UGT1A7: variants seen among roughly 807,000 people sequenced by gnomAD.
The protein encoded by UGT1A7 is UDP glucuronosyltransferase family 1 member A7, also known as UDP-glucuronosyltransferase 1A7.
Under a neutral mutation model 45.6 loss-of-function variants are expected in UGT1A7, and 33 were observed. The ratio of observed to expected loss-of-function variants is 0.72; its 90% CI spans 0.55 to 0.97. UGT1A7 has a LOEUF of 0.97. Ranked by LOEUF, UGT1A7 falls within the 50% of genes least tolerant of loss-of-function variation. UGT1A7 has a pLI of 0.00. For missense variants in UGT1A7, 684 were observed against 666.2 expected (o/e 1.03, Z -0.29); for synonymous variants, 274 against 250.6 (o/e 1.09, Z -0.88).
intron 1 of UGT1A7, chr2:233,729,233 T>C (rs746735102): frequency 5.5e-5 from 88 of 1,614,154 alleles, no homozygotes; most frequent in South Asian, 6.6e-5. Context: ...GTGGTGCCCA[T>C]TGATGGCAGC....
intron 1 of UGT1A7, chr2:233,747,817 C>T: frequency 6.2e-7 from 1 of 1,613,510 alleles, no homozygotes; most frequent in South Asian, 1.1e-5. Flanking sequence ...ACGACCAATT[C>T]AGACCACATG....
chr2:233,769,515 T>A lies in UGT1A7; in HGVS notation c.1295+1076T>A. The A allele has an allele frequency of 6.2e-7, 1 of 1,612,854 alleles. No homozygotes were observed. Among genetic ancestry groups the A allele is most frequent in the Non-Finnish European group, 8.5e-7 (1 of 1,179,868 alleles). ...TGAGAGTGTCCATTGCTTTCTCCCA[T>A]GGTTACCTCCTTTAGAAAGAAGCAG... On this transcript the variant is annotated intron_variant, in intron 4 of 4. Coordinates refer to ENST00000373426, the MANE Select transcript of UGT1A7 (RefSeq NM_019077.3). This position sits in a 1 kb window ranked among gnomAD's most constrained non-coding sequence, Gnocchi z 4.4.
At chr2:233,742,442 C>T (rs112027081) in intron 1 of UGT1A7, among the ~76,000 whole-genome samples, 3,340 of 152,032 alleles carry the variant, frequency 0.022, 220 homozygotes, top group African/African-American at 0.075. Flanking sequence ...CCTGGGTGGG[C>T]CAGGTGTTCC....
chr2:233,725,092 C>T (rs1421040680), intron 1 of UGT1A7, among the ~76,000 whole-genome samples: 3 of 144,372 alleles, frequency 2.1e-5, no homozygotes, highest in African/African-American at 7.9e-5. Flanking sequence ...CAGGCTGAGG[C>T]AGGAGAATCA....
intron 1 of UGT1A7, among the ~76,000 whole-genome samples, 177 bp downstream of exon 1, chr2:233,682,969 C>G (rs943509920): frequency 1.8e-4 from 27 of 152,054 alleles, no homozygotes; most frequent in Admixed American, 1.2e-3. Flanking sequence ...TAAAGCAGCT[C>G]TTGTTGATAT....
At chr2:233,719,828 G>A in intron 1 of UGT1A7, 1 of 1,554,886 alleles carries the variant, frequency 6.4e-7, no homozygotes, top group Non-Finnish European at 8.7e-7. Flanking sequence ...AACTGTTGAG[G>A]GGCCTAGTGT....
chr2:233,743,634 C>G lies in UGT1A7; in HGVS notation c.856-23400C>G, dbSNP rs776464072. On this transcript the variant is annotated intron_variant, in intron 1 of 4. Coordinates refer to ENST00000373426, the MANE Select transcript of UGT1A7 (RefSeq NM_019077.3). ...AACTCCCTGAAGACGTCGGCTGGGT[C>G]GCGGAAGCTGAAGACGTACTCGAAG... is the stretch of plus-strand genomic sequence containing the variant. 14 of 1,367,180 alleles carry G rather than the reference C, an allele frequency of 1.0e-5. No individual in the cohort carries two copies. In the South Asian group the frequency reaches 1.5e-4, roughly 14 times the overall value. 84.7% of individuals were successfully genotyped at this position (1,367,180 alleles called of 1,614,324 possible).
intron 1 of UGT1A7, among the ~76,000 whole-genome samples, chr2:233,716,440 T>G (rs1338804763): frequency 6.6e-6 from 1 of 152,154 alleles, no homozygotes. Flanking sequence ...AGGTTTTCCT[T>G]CATTTGGCCA....
intron 1 of UGT1A7, among the ~76,000 whole-genome samples, chr2:233,687,583 TAAAAAAAAAAAAA>T (rs71398794): frequency 1.9e-5 from 2 of 107,472 alleles, no homozygotes; most frequent in African/African-American, 6.7e-5. Context: ...ACATTCTTTG[TAAAAAAAAAAAAA>T]AAAAAAAAAA....
intron 1 of UGT1A7, chr2:233,743,961 G>C (rs1220735729): frequency 1.5e-6 from 2 of 1,333,366 alleles, no homozygotes; most frequent in East Asian, 4.6e-5. Context: ...ACAGCGAGCG[G>C]CAAGGCTGCC....
chr2:233,710,556 C>A (rs943295529), intron 1 of UGT1A7, among the ~76,000 whole-genome samples: 25 of 152,110 alleles, frequency 1.6e-4, no homozygotes, highest in African/African-American at 6.0e-4. Context: ...TGCCTGTTTT[C>A]TTTTAAAAGG....
intron 1 of UGT1A7, chr2:233,760,624 T>G (rs1305127348): frequency 6.2e-7 from 1 of 1,614,172 alleles, no homozygotes; most frequent in Non-Finnish European, 8.5e-7. Flanking sequence ...GATCAAAACA[T>G]ACAAGAAAAT....
intron 1 of UGT1A7, 106 bp from the exon 2 acceptor site, chr2:233,766,928 C>T (rs1699282359): frequency 1.3e-6 from 2 of 1,578,030 alleles, no homozygotes; most frequent in East Asian, 4.5e-5. Flanking sequence ...ACACGCATGC[C>T]TTTAATCATA....
At chr2:233,728,419 C>A (rs1433487219) in intron 1 of UGT1A7, among the ~76,000 whole-genome samples, 1 of 152,142 alleles carries the variant, frequency 6.6e-6, no homozygotes, top group Non-Finnish European at 1.5e-5. Context: ...GATAGCAGCA[C>A]CTCTTCTTCC....
At chr2:233,684,734 A>G (rs2074696944) in intron 1 of UGT1A7, among the ~76,000 whole-genome samples, 1 of 152,040 alleles carries the variant, frequency 6.6e-6, no homozygotes, top group African/African-American at 2.4e-5. Flanking sequence ...AATAGAAAAT[A>G]AATATAATTA....
chr2:233,729,981 G>A (rs747249815), intron 1 of UGT1A7: 1 of 1,614,052 alleles, frequency 6.2e-7, no homozygotes, highest in Non-Finnish European at 8.5e-7. Flanking sequence ...CCAACAGGAA[G>A]CCACTATCTC....
At chr2:233,696,209 G>A (rs2075331761) in intron 1 of UGT1A7, among the ~76,000 whole-genome samples, 1 of 152,136 alleles carries the variant, frequency 6.6e-6, no homozygotes, top group Admixed American at 6.5e-5. Context: ...GTTTATTATA[G>A]CACTATTCAC....
intron 1 of UGT1A7, among the ~76,000 whole-genome samples, chr2:233,717,449 A>C (rs2076575928): frequency 6.6e-6 from 1 of 152,324 alleles, no homozygotes; most frequent in Admixed American, 6.5e-5. Flanking sequence ...GCATCCATTC[A>C]CTGCCTGTCC....
chr2:233,711,190 C>G (rs886946782), intron 1 of UGT1A7, among the ~76,000 whole-genome samples: 1 of 152,236 alleles, frequency 6.6e-6, no homozygotes, highest in African/African-American at 2.4e-5. Flanking sequence ...CTACTCCCTC[C>G]CCACAGTCCT....
Sources: allele counts gnomAD v4.1 joint callset (sites outside exome capture counted in the v4.1 genomes callset), GRCh38; gene constraint gnomAD v4.1.1; non-coding constraint Gnocchi (gnomAD v3.1); transcripts MANE v1.5; gene names NCBI Gene and HGNC (gene_info 2026-07-23, HGNC 2026-07-21).